WIPI1: variants seen among roughly 807,000 people sequenced by gnomAD.
WIPI1 encodes WD repeat domain, phosphoinositide interacting 1.
In WIPI1, 45 loss-of-function variants were observed where a neutral mutation model predicts 55.3. The observed-to-expected ratio is 0.81, with a 90% CI of 0.64 to 1.04. The LOEUF is 1.04. WIPI1 is among the 50% of genes least tolerant of loss of function. The probability of loss-of-function intolerance (pLI) is 0.00; values close to 1 mark genes in which losing one functional copy is unlikely to be tolerated. For synonymous variants in WIPI1, 195 were observed against 217.6 expected, an observed-to-expected ratio of 0.90 and a Z score of 0.92; for missense variants, 445 against 559.0, an observed-to-expected ratio of 0.80 and a Z score of 2.06.
At chr17:68,425,277 C>T (rs1307437836) in intron 12 of WIPI1, among the ~76,000 whole-genome samples, 1 of 152,208 alleles carries the variant, frequency 6.6e-6, no homozygotes, top group African/African-American at 2.4e-5. Flanking sequence ...AATCAGAGCT[C>T]ACTGCAGCCT....
rs1224964648 is a variant in WIPI1, at chr17:68,452,909, C to T, written c.163+1G>A. ...CTGAGGTCTCTCTCACACACACTTA[C>T]TGCTTCCGTGGACTTGATCCAGCTG... On this transcript the variant is annotated splice_donor_variant, in intron 2 of 12. Transcript: ENST00000262139. LOFTEE classifies it high-confidence loss of function. The T allele has an allele frequency of 2.5e-6, 4 of 1,613,624 alleles. 1 individual carries two copies. In the South Asian group the frequency reaches 4.4e-5, roughly 18 times the overall value.
intron 6 of WIPI1, 60 bp downstream of exon 6, chr17:68,435,560 G>C (rs2083742903): frequency 6.5e-7 from 1 of 1,532,330 alleles, no homozygotes; most frequent in African/African-American, 1.4e-5. Context: ...TCCCATCCCT[G>C]CGCACGGCAG....
Position 68,426,101 on chromosome 17 carries a change from G to C in WIPI1, c.1267C>G (p.Leu423Val). The C allele has an allele frequency of 6.2e-7, 1 of 1,612,732 alleles. No individual in the cohort carries two copies. Among genetic ancestry groups the C allele is most frequent in the East Asian group, 2.2e-5 (1 of 44,884 alleles). ...GGAGGAAACTCATTCTCATCATCAA[G>C]ACACACTGGTCCCGTCGCAAACTCA... ...EHEFATGPVC[L>V]DDENEFPPII... Residue 423 changes from leucine to valine, a missense_variant, in exon 12 of 13, where the codon CTT (leucine) becomes GTT (valine). Transcript: ENST00000262139.
chr17:68,457,304 T>TC (rs2084671056), intron 1 of WIPI1, 38 bp downstream of exon 1: 1 of 1,536,472 alleles, frequency 6.5e-7, no homozygotes. Context: ...TGACACTCTG[T>TC]CCCCCACCTC....
chr17:68,427,105 T>A (rs1297451883), intron 11 of WIPI1, 30 bp downstream of exon 11: 1 of 1,568,104 alleles, frequency 6.4e-7, no homozygotes. Context: ...CTGTTGGAGA[T>A]GCTCCCCTGT....
intron 10 of WIPI1, chr17:68,427,471 C>G (rs1475629136): frequency 2.8e-6 from 1 of 351,722 alleles, no homozygotes; most frequent in African/African-American, 2.2e-5. Context: ...ATTCTCCTGC[C>G]TCAGCCTCCC....
chr17:68,426,016 G>A (rs765080044), intron 12 of WIPI1, 59 bp downstream of exon 12: 23 of 1,392,016 alleles, frequency 1.7e-5, no homozygotes, highest in South Asian at 6.9e-5. Flanking sequence ...CGTATGAGGC[G>A]AAGGTTTCCT....
chr17:68,451,126 C>G (rs2084484909), intron 2 of WIPI1, among the ~76,000 whole-genome samples: 1 of 152,236 alleles, frequency 6.6e-6, no homozygotes, highest in Non-Finnish European at 1.5e-5. Context: ...TTCCAAATAT[C>G]TAAAGTAAAG....
intron 1 of WIPI1, among the ~76,000 whole-genome samples, chr17:68,453,832 C>T (rs1481033536): frequency 6.6e-6 from 1 of 152,134 alleles, no homozygotes; most frequent in Non-Finnish European, 1.5e-5. Context: ...TTAATAGATG[C>T]TTCCTTTCAT....
chr17:68,422,753 AAAG>A (rs1331845605), intron 12 of WIPI1: 12 of 151,500 alleles, frequency 7.9e-5, no homozygotes, highest in Admixed American at 1.3e-4. Flanking sequence ...AAAAAAAAAA[AAAG>A]GGAAGGTCAG....
chr17:68,432,709 C>A (rs2083584541), intron 8 of WIPI1, among the ~76,000 whole-genome samples: 3 of 152,184 alleles, frequency 2.0e-5, no homozygotes, highest in Admixed American at 2.0e-4. Context: ...GTACCAGCAA[C>A]CAACTCCCCA....
At chr17:68,444,436 G>T in intron 4 of WIPI1, 57 bp downstream of exon 4, 7 of 1,507,456 alleles carry the variant, frequency 4.6e-6, no homozygotes, top group Non-Finnish European at 6.4e-6. Context: ...TAAAGCTTGG[G>T]AAAGAAGCAC....
At position 68,441,771 on chromosome 17, in the gene WIPI1, T is replaced by C. The variant is rs79971083; in HGVS notation, c.430+2722A>G. ...ACTCTGGGGGCTAAAAATGATCATC[T>C]CCATTTTACTGCAGTAGAAAGGGAG... On this transcript the variant is annotated intron_variant, in intron 4 of 12. Transcript: ENST00000262139. Among the ~76,000 whole-genome samples, 1,338 of 152,216 alleles carry C rather than the reference T, an allele frequency of 8.8e-3. 30 individuals are homozygous for C. Among genetic ancestry groups the C allele is most frequent in the East Asian group, 0.067 (346 of 5,174 alleles).
chr17:68,456,417 G>C (rs138197003), intron 1 of WIPI1, among the ~76,000 whole-genome samples: 2,437 of 152,274 alleles, frequency 0.016, 22 homozygotes, highest in Non-Finnish European at 0.025. Flanking sequence ...ACTGGGAATC[G>C]GTCATCCCCG....
At chr17:68,453,896 T>A (rs1374834996) in intron 1 of WIPI1, among the ~76,000 whole-genome samples, 1 of 152,172 alleles carries the variant, frequency 6.6e-6, no homozygotes, top group East Asian at 1.9e-4. Flanking sequence ...CACACCTGGA[T>A]GTATATTAAA....
intron 11 of WIPI1, 79 bp from the exon 12 acceptor site, chr17:68,426,254 G>GGGGGCCCCCCCCC: frequency 2.4e-6 from 2 of 816,922 alleles, no homozygotes. Context: ...GGGAGCGGGG[G>GGGGGCCCCCCCCC]CTCAAATAAA....
chr17:68,449,070 A>C (rs1405847461), intron 3 of WIPI1, among the ~76,000 whole-genome samples: 13 of 152,314 alleles, frequency 8.5e-5, no homozygotes. Flanking sequence ...AAAAGCATTT[A>C]TTTGTCTCAT....
At chr17:68,429,520 T>C (rs1600281314) in intron 9 of WIPI1, among the ~76,000 whole-genome samples, 1 of 152,210 alleles carries the variant, frequency 6.6e-6, no homozygotes, top group Admixed American at 6.5e-5. Flanking sequence ...GGCTGCCCCC[T>C]GAGAATCCGT....
At chr17:68,424,411 G>A (rs1223501134) in intron 12 of WIPI1, 1 of 533,696 alleles carries the variant, frequency 1.9e-6, no homozygotes, top group Non-Finnish European at 3.9e-6. Context: ...CCACGGATCT[G>A]CGGGAGAAAG....
Sources: allele counts gnomAD v4.1 joint callset (sites outside exome capture counted in the v4.1 genomes callset), GRCh38; gene constraint gnomAD v4.1.1; transcripts MANE v1.5; gene names NCBI Gene and HGNC (gene_info 2026-07-23, HGNC 2026-07-21).